Variants in HECTD4 observed in about 807,000 individuals in gnomAD.
HECTD4 encodes the protein probable E3 ubiquitin-protein ligase HECTD4.
Under a neutral mutation model 471.5 loss-of-function variants are expected in HECTD4, and 114 were observed. The observed-to-expected ratio is 0.24, with a 90% CI of 0.21 to 0.28. The LOEUF is 0.28. HECTD4 is among the 10% of genes least tolerant of loss of function. HECTD4 has a pLI of 1.00. For missense variants in HECTD4, 3,866 were observed against 5,651.5 expected, an observed-to-expected ratio of 0.68 and a Z score of 10.13; for synonymous variants, 2,012 against 2,256.0, an observed-to-expected ratio of 0.89 and a Z score of 3.07.
At chr12:112,303,579 G>GTGGCC (rs1317502565) in intron 7 of HECTD4, among the ~76,000 whole-genome samples, 9 of 152,178 alleles carry the variant, frequency 5.9e-5, no homozygotes, top group African/African-American at 2.2e-4. Flanking sequence ...GCCAGGTGTG[G>GTGGCC]TGGCTCAGGC....
chr12:112,246,801 AG>A (rs1318585071), intron 29 of HECTD4, 99 bp downstream of exon 29: 2 of 1,071,164 alleles, frequency 1.9e-6, no homozygotes, highest in East Asian at 5.7e-5. Flanking sequence ...AGAGTACCCA[AG>A]AGTGAATTTT....
intron 1 of HECTD4, among the ~76,000 whole-genome samples, chr12:112,374,853 C>A (rs2036748381): frequency 1.3e-5 from 2 of 152,240 alleles, no homozygotes; most frequent in Admixed American, 1.3e-4. Flanking sequence ...CTTTTCTTAT[C>A]TGGCAAAACA....
intron 8 of HECTD4, 121 bp downstream of exon 8, chr12:112,282,989 A>C: frequency 1.5e-6 from 1 of 661,212 alleles, no homozygotes; most frequent in Admixed American, 3.4e-5. Flanking sequence ...TGACTGGAAG[A>C]CCAAATAAAG....
At chr12:112,258,893 C>T (rs373492504) in intron 19 of HECTD4, 1 of 576,076 alleles carries the variant, frequency 1.7e-6, no homozygotes. Context: ...GCCATGAACA[C>T]TTGCTAAAAG....
chr12:112,169,625 C>T lies in HECTD4; in HGVS notation c.12086G>A (p.Cys4029Tyr). 1 of 1,613,540 alleles carries T rather than the reference C, an allele frequency of 6.2e-7. No homozygotes were observed. The highest frequency in any genetic ancestry group is 8.5e-7 in the Non-Finnish European group (1 of 1,179,894). ...TGAGGCCAGCTGCCTGGCAGCCTGA[C>T]AGAAGTAGGAGTTTTCAGAAGCTCT... ...EIRASENSYF[C>Y]QAARQLASVP... The change falls in exon 70 of 76, where the codon TGT becomes TAT. Residue 4029 changes from cysteine to tyrosine, a missense_variant. Around this residue, in one of 16 missense-constraint regions of HECTD4, gnomAD observed 715 missense variants for 1,087.6 expected, o/e 0.66. Coordinates refer to ENST00000682272, the MANE Select transcript of HECTD4 (RefSeq NM_001388303.1).
intron 54 of HECTD4, chr12:112,201,035 A>T (rs2032413496): frequency 1.7e-6 from 1 of 582,548 alleles, no homozygotes; most frequent in Admixed American, 2.3e-5. Flanking sequence ...TACTATATAA[A>T]CTTGCTATGT....
At chr12:112,379,232 A>T (rs2036844375) in intron 1 of HECTD4, among the ~76,000 whole-genome samples, 1 of 152,228 alleles carries the variant, frequency 6.6e-6, no homozygotes, top group Admixed American at 6.5e-5. Flanking sequence ...CAGTGAACAG[A>T]ACTAGGTTAA....
At chr12:112,263,707 T>TATATATATATATATA (rs1566091576) in intron 17 of HECTD4, among the ~76,000 whole-genome samples, 25 of 137,844 alleles carry the variant, frequency 1.8e-4, no homozygotes, top group African/African-American at 6.1e-4. Flanking sequence ...CCCAAGATTT[T>TATATATATATATATA]TATATATATA....
intron 25 of HECTD4, chr12:112,249,679 T>C (rs1231871272): frequency 6.2e-6 from 1 of 162,514 alleles, no homozygotes; most frequent in Non-Finnish European, 1.3e-5. Context: ...TGTAACTGTA[T>C]GTACATTCTA....
At position 112,279,324 on chromosome 12, in the gene HECTD4, T is replaced by C; in HGVS notation, c.1591A>G (p.Thr531Ala). 1 of 1,613,348 alleles carries C rather than the reference T, an allele frequency of 6.2e-7. No individual in the cohort carries two copies. Among genetic ancestry groups the C allele is most frequent in the Non-Finnish European group, 8.5e-7 (1 of 1,179,678 alleles). ...GGAGGCACCAGCATCACCAAGTAGG[T>C]GCCACAGGTATATATGGGTGTCTTC... ...LRKTPIYTCG[T>A]YLVMLVPPPG... The change falls in exon 9 of 76, where the codon ACC (threonine) becomes GCC (alanine). Residue 531 changes from threonine (T) to alanine (A), a missense_variant. Thr to Ala is a moderately conservative substitution (Grantham distance 58). Around this residue, in one of 16 missense-constraint regions of HECTD4, gnomAD observed 525 missense variants for 672.6 expected, o/e 0.78. Transcript: ENST00000682272.
At chr12:112,176,844 C>T (rs935757788) in intron 64 of HECTD4, 142 bp from the exon 65 acceptor site, 9 of 664,958 alleles carry the variant, frequency 1.4e-5, no homozygotes, top group African/African-American at 7.2e-5. Flanking sequence ...GCGTTCAAGA[C>T]CGCCTTTGTT....
At chr12:112,355,418 G>A (rs1021269956) in intron 1 of HECTD4, among the ~76,000 whole-genome samples, 10 of 144,318 alleles carry the variant, frequency 6.9e-5, no homozygotes, top group African/African-American at 1.8e-4. Flanking sequence ...CTGATACCGC[G>A]CCACTGCACT....
Position 112,229,703 on chromosome 12 carries a change from C to G in HECTD4, c.6514G>C (p.Val2172Leu), listed in dbSNP as rs779289600. ...GGGAACATGGTGGTTGGTACCTGAA[C>G]CTCGGATCCTATCTTGATTGTCTCT... ...FKETIKIGSE[V>L]QVLGRGISGS... The change falls in exon 41 of 76, where the codon GTT (valine) becomes CTT (leucine). Residue 2172 changes from valine (V) to leucine (L), a missense_variant. By Grantham distance (32) the Val-to-Leu change is conservative (BLOSUM62 1). This residue lies in a region of HECTD4 where 617 missense variants were observed against 915.1 expected (regional missense o/e 0.67). Transcript: ENST00000682272. The G allele has an allele frequency of 6.2e-7, 1 of 1,611,248 alleles. No individual in the cohort carries two copies. The highest frequency in any genetic ancestry group is 8.5e-7 in the Non-Finnish European group (1 of 1,178,152).
chr12:112,216,597 T>C (rs1346430247), intron 47 of HECTD4, among the ~76,000 whole-genome samples, 176 bp downstream of exon 47: 1 of 152,150 alleles, frequency 6.6e-6, no homozygotes, highest in African/African-American at 2.4e-5. Context: ...AAATTACAGG[T>C]CAACTAGGAA....
At chr12:112,304,803 A>T (rs777362275) in intron 7 of HECTD4, among the ~76,000 whole-genome samples, 32 of 152,350 alleles carry the variant, frequency 2.1e-4, no homozygotes, top group Admixed American at 1.2e-3. Context: ...GTGAGATTCA[A>T]TAGAAAAATA....
intron 67 of HECTD4, among the ~76,000 whole-genome samples, chr12:112,171,948 G>T (rs1418491329): frequency 1.3e-5 from 2 of 152,184 alleles, no homozygotes; most frequent in Admixed American, 1.3e-4. Flanking sequence ...TTGTTGCCCA[G>T]GCTGGAGTGC....
intron 67 of HECTD4, among the ~76,000 whole-genome samples, chr12:112,171,781 CTG>C (rs1429323834): frequency 6.6e-6 from 1 of 152,228 alleles, no homozygotes; most frequent in African/African-American, 2.4e-5. Context: ...AGCCAGGGCT[CTG>C]TGTCTGTTGC....
chr12:112,187,785 C>T (rs1195497047), intron 60 of HECTD4, among the ~76,000 whole-genome samples: 1 of 151,414 alleles, frequency 6.6e-6, no homozygotes, highest in Non-Finnish European at 1.5e-5. Context: ...CGCTATCACA[C>T]CCGGCTAATT....
At position 112,258,602 on chromosome 12, in the gene HECTD4, A is replaced by G; in HGVS notation, c.3028-6T>C. On this transcript the variant is annotated splice_region_variant and splice_polypyrimidine_tract_variant and intron_variant, in intron 19 of 75. Coordinates refer to ENST00000682272, the MANE Select transcript of HECTD4 (RefSeq NM_001388303.1). The stretch of plus-strand genomic sequence containing the variant: ...GTTTTAAGCAGCAACGCCGTCTGAA[A>G]CACAAAACCATCATTATGTCTTCCA... The G allele has an allele frequency of 6.3e-7, 1 of 1,591,392 alleles. No individual in the cohort carries two copies. Among genetic ancestry groups the G allele is most frequent in the Non-Finnish European group, 8.5e-7 (1 of 1,172,090 alleles).
Sources: allele counts gnomAD v4.1 joint callset (sites outside exome capture counted in the v4.1 genomes callset), GRCh38; gene constraint gnomAD v4.1.1; regional missense constraint gnomAD v4.1.1; transcripts MANE v1.5; gene names NCBI Gene and HGNC (gene_info 2026-07-23, HGNC 2026-07-21).